The following C14orf93 variants were observed in gnomAD, a reference collection of about 807,000 sequenced individuals.
The protein encoded by C14orf93 is chromosome 14 open reading frame 93, also known as uncharacterized protein C14orf93.
C14orf93 carries 23 observed loss-of-function variants against 44.0 expected under a neutral mutation model. That is an observed-to-expected ratio of 0.52 (90% CI 0.38 to 0.74). The LOEUF is 0.74. Among genes scored for constraint, C14orf93 ranks in the 30% least tolerant of loss-of-function variants. The probability of loss-of-function intolerance (pLI) is 0.00; values close to 1 mark genes in which losing one functional copy is unlikely to be tolerated. For missense variants in C14orf93, 579 were observed against 678.9 expected (o/e 0.85, Z 1.64); for synonymous variants, 253 against 265.7 (o/e 0.95, Z 0.46).
chr14:22,998,117 A>C, intron 2 of C14orf93: 1 of 324,232 alleles, frequency 3.1e-6, no homozygotes, highest in Non-Finnish European at 5.6e-6. Context: ...CATCCTCGCC[A>C]GGAGAGGCAG....
chr14:22,995,856 T>C (rs1047685691), intron 3 of C14orf93, 92 bp downstream of exon 3: 2 of 1,245,338 alleles, frequency 1.6e-6, no homozygotes, highest in Non-Finnish European at 2.2e-6. Flanking sequence ...ACAGCATTCA[T>C]TCAATATGGG....
At position 22,987,100 on chromosome 14, in the gene C14orf93, C is replaced by G; in HGVS notation, c.*115G>C. The G allele has an allele frequency of 8.6e-7, 1 of 1,167,320 alleles. No individual in the cohort carries two copies. Among genetic ancestry groups the G allele is most frequent in the Non-Finnish European group, 1.2e-6 (1 of 844,352 alleles). 72.3% of individuals were successfully genotyped at this position (1,167,320 alleles called of 1,614,324 possible). A position where few individuals can be genotyped will look rare whatever the true frequency, so the allele number is the denominator to read the frequency against. On this transcript the variant is annotated 3_prime_UTR_variant, in exon 7 of 7. Transcript: ENST00000299088. The surrounding 1 kb of genome is among the most constrained non-coding windows in gnomAD (Gnocchi z 5.6). ...GTAGAGACTGTGTTAAGAAAAGAGG[C>G]AAATTTGCTTTCTCAGACTGCACAG... is the stretch of plus-strand genomic sequence containing the variant.
At chr14:22,993,770 A>G (rs1408088021) in intron 3 of C14orf93, 2 of 152,216 alleles carry the variant, frequency 1.3e-5, no homozygotes, top group African/African-American at 4.8e-5. Flanking sequence ...GCAGCATTCC[A>G]AGGAATTAAG....
In C14orf93 at chr14:22,998,408, C is replaced by A; in HGVS notation, c.597+19G>T. 1 of 1,507,632 alleles carries A rather than the reference C, an allele frequency of 6.6e-7. No individual in the cohort carries two copies. The highest frequency in any genetic ancestry group is 2.3e-5 in the Admixed American group (1 of 43,694). The allele number at this position is 1,507,632 out of a possible 1,614,324, so 93.4% of individuals were successfully genotyped here. A position where few individuals can be genotyped will look rare whatever the true frequency, so the allele number is the denominator to read the frequency against. The stretch of plus-strand genomic sequence containing the variant: ...AGGAAAAGCACCTAGGAGGAATAGC[C>A]CTCTGCTGCCATACTCACAGGATTG... On this transcript the variant is annotated intron_variant, in intron 2 of 6. Coordinates refer to ENST00000299088, the MANE Select transcript of C14orf93 (RefSeq NM_021944.4).
intron 1 of C14orf93, among the ~76,000 whole-genome samples, chr14:23,008,932 A>C (rs557276468): frequency 5.3e-5 from 8 of 152,352 alleles, no homozygotes; most frequent in African/African-American, 1.9e-4. Flanking sequence ...ATACTTTGCC[A>C]GCTGTGGAGC....
chr14:22,996,968 GACACACACGCACACGCACACAC>G lies in C14orf93; in HGVS notation c.598-722_598-701del, dbSNP rs1288747759. Among the ~76,000 whole-genome samples, 1 of 137,560 alleles carries G rather than the reference GACACACACGCACACGCACACAC, an allele frequency of 7.3e-6. No individual in the cohort carries two copies. The highest frequency in any genetic ancestry group is 1.5e-5 in the Non-Finnish European group (1 of 65,672). The allele number at this position is 137,560 out of a possible 152,430, so 90.2% of individuals were successfully genotyped here. ...AAGAAAACAAAATACTGAAAGTGGG[GACACACACGCACACGCACACAC>G]ACACACACACACACACACACAGAAA... On this transcript the variant is annotated intron_variant, in intron 2 of 6. Coordinates refer to ENST00000299088, the MANE Select transcript of C14orf93 (RefSeq NM_021944.4). The surrounding 1 kb of genome is among the most constrained non-coding windows in gnomAD (Gnocchi z 4.1).
In C14orf93 at chr14:22,987,991, G is replaced by GT. The variant is rs1394788615; in HGVS notation, c.1108dup (p.Thr370AsnfsTer2). On this transcript the variant is annotated frameshift_variant, in exon 6 of 7. Coordinates refer to ENST00000299088, the MANE Select transcript of C14orf93 (RefSeq NM_021944.4). LOFTEE classifies it high-confidence loss of function. This position sits in a 1 kb window ranked among gnomAD's most constrained non-coding sequence, Gnocchi z 5.6. ...GGAGTTGCGGTACTCACGCCTCTTAGTAAGGAAGTAGGCCACACAGGCTCC... is the reference window on the plus strand; with the variant it reads ...GGAGTTGCGGTACTCACGCCTCTTAGTTAAGGAAGTAGGCCACACAGGCTCC... 1 of 1,613,570 alleles carries GT rather than the reference G, an allele frequency of 6.2e-7. No homozygotes were observed. Among genetic ancestry groups the GT allele is most frequent in the Non-Finnish European group, 8.5e-7 (1 of 1,179,684 alleles).
At position 22,998,774 on chromosome 14, in the gene C14orf93, T is replaced by C; in HGVS notation, c.250A>G (p.Arg84Gly). ...CGTTTTAACAACTCATTGTTGGCCC[T>C]GGCAAGACCCAGAGCAGCTTCAGCC... ...GLAEAALGLARANNELLKRLQ... is the reference protein window; with the variant it reads ...GLAEAALGLAGANNELLKRLQ... Residue 84 changes from arginine to glycine, a missense_variant, in exon 2 of 7, where the codon AGG (arginine) becomes GGG (glycine). Arg to Gly is a moderately radical substitution (Grantham distance 125). Transcript: ENST00000299088. 1.9e-6 allele frequency: 3 copies of C among 1,614,168 alleles called. No individual in the cohort carries two copies. The South Asian group carries it at 3.3e-5, about 18-fold the overall frequency.
At chr14:22,988,827 T>A (rs377672688) in intron 5 of C14orf93, among the ~76,000 whole-genome samples, 1,673 of 152,134 alleles carry the variant, frequency 0.011, 41 homozygotes, top group African/African-American at 0.039. Flanking sequence ...ACACCTGTAA[T>A]CCCAACATTC....
At chr14:22,994,357 C>A (rs1253179638) in intron 3 of C14orf93, among the ~76,000 whole-genome samples, 1 of 152,044 alleles carries the variant, frequency 6.6e-6, no homozygotes, top group East Asian at 1.9e-4. Flanking sequence ...TACTAAAATA[C>A]AAAATTAGCC....
intron 1 of C14orf93, among the ~76,000 whole-genome samples, chr14:23,003,892 ATATATATTTTTTTTTTTTT>A (rs1434292875): frequency 6.9e-5 from 1 of 14,450 alleles, no homozygotes; most frequent in African/African-American, 4.3e-4. Flanking sequence ...ATATATATAT[ATATATATTTTTTTTTTTTT>A]TTTTTTTTTT....
intron 1 of C14orf93, among the ~76,000 whole-genome samples, chr14:23,004,054 C>T (rs1375874655): frequency 1.2e-4 from 18 of 144,550 alleles, no homozygotes; most frequent in African/African-American, 4.1e-4. Flanking sequence ...GGACTACAGG[C>T]ATGTGCCACC....
At position 22,987,498 on chromosome 14, in the gene C14orf93, G is replaced by A; in HGVS notation, c.1334C>T (p.Pro445Leu). The change falls in exon 7 of 7, where the codon CCC (proline) becomes CTC (leucine). Residue 445 changes from proline to leucine, a missense_variant. Physicochemically the swap from Pro to Leu is moderately conservative, Grantham distance 98. Coordinates refer to ENST00000299088, the MANE Select transcript of C14orf93 (RefSeq NM_021944.4). The surrounding 1 kb of genome is among the most constrained non-coding windows in gnomAD (Gnocchi z 5.6). ...NEPGVWVARP[P>L]RFRAQRLTEL... ...TGTGAGGCGCTGGGCCCGGAAACGG[G>A]GAGGGCGGGCCACCCACACACCTGG... 7.4e-6 allele frequency: 12 copies of A among 1,614,250 alleles called. No homozygotes were observed. The highest frequency in any genetic ancestry group is 1.0e-5 in the Non-Finnish European group (12 of 1,180,048).
In C14orf93 at chr14:22,996,573, G is replaced by C. The variant is rs1449807568; in HGVS notation, c.598-305C>G. Among the ~76,000 whole-genome samples the C allele has an allele frequency of 3.3e-5, 5 of 152,208 alleles. No homozygotes were observed. The highest frequency in any genetic ancestry group is 7.3e-5 in the Non-Finnish European group (5 of 68,042). On this transcript the variant is annotated intron_variant, in intron 2 of 6. Transcript: ENST00000299088. The surrounding 1 kb of genome is among the most constrained non-coding windows in gnomAD (Gnocchi z 4.1). Reference sequence around the variant, plus strand: ...CTCTTGGATATAAGAAATGGAGCTAGATAAGTGTTTTGTCTGAAAGGACTG... The same window carrying C: ...CTCTTGGATATAAGAAATGGAGCTACATAAGTGTTTTGTCTGAAAGGACTG...
At chr14:22,993,561 A>G (rs2045790795) in intron 3 of C14orf93, among the ~76,000 whole-genome samples, 1 of 152,234 alleles carries the variant, frequency 6.6e-6, no homozygotes, top group South Asian at 2.1e-4. Flanking sequence ...ACAAAAAACA[A>G]AAAAAGGGGA....
At chr14:22,988,467 C>T (rs907940273) in intron 5 of C14orf93, among the ~76,000 whole-genome samples, 2 of 152,130 alleles carry the variant, frequency 1.3e-5, no homozygotes, top group African/African-American at 4.8e-5. Context: ...CATCTTCACT[C>T]CTCTTTGGTT....
rs1455160734 is a variant in C14orf93, at chr14:22,986,407, G to A, written c.*808C>T. The A allele has an allele frequency of 1.3e-5, 2 of 152,156 alleles. No homozygotes were observed. Among genetic ancestry groups the A allele is most frequent in the Non-Finnish European group, 2.9e-5 (2 of 68,056 alleles). 9.4% of individuals were successfully genotyped at this position (152,156 alleles called of 1,614,324 possible). A position where few individuals can be genotyped will look rare whatever the true frequency, so the allele number is the denominator to read the frequency against. On this transcript the variant is annotated 3_prime_UTR_variant, in exon 7 of 7. Transcript: ENST00000299088. ...CACAGTACCTGACACCTAGTAAAGC[G>A]ATCAATGTTTGTTATAAGACTGAAT...
At chr14:23,001,841 A>T (rs1214102869) in intron 1 of C14orf93, among the ~76,000 whole-genome samples, 1 of 50,138 alleles carries the variant, frequency 2.0e-5, no homozygotes, top group Non-Finnish European at 3.4e-5. Context: ...CTGCAGGTTA[A>T]AAAAAAAAAA....
chr14:23,008,538 T>A (rs1380221310), intron 1 of C14orf93, among the ~76,000 whole-genome samples: 3 of 152,174 alleles, frequency 2.0e-5, no homozygotes, highest in Non-Finnish European at 4.4e-5. Context: ...TGTCTCCTGG[T>A]TGTCACTGCA....
Sources: gnomAD v4.1 joint callset for allele counts (sites outside exome capture counted in the v4.1 genomes callset) on GRCh38, gnomAD v4.1.1 for gene constraint, Gnocchi (gnomAD v3.1) non-coding constraint, MANE v1.5 for transcripts, NCBI Gene and HGNC (gene_info 2026-07-23, HGNC 2026-07-21) for gene names.